GALNT13: variants seen among roughly 807,000 people sequenced by gnomAD.
GALNT13 encodes UDP-GalNAc:polypeptide N-acetylgalactosaminyltransferase 13.
In GALNT13, 28 loss-of-function variants were observed where a neutral mutation model predicts 64.2. That is an observed-to-expected ratio of 0.44 (90% CI 0.32 to 0.60). The LOEUF (loss-of-function observed/expected upper bound fraction) is 0.60, where lower values mean the gene tolerates loss of function less well. GALNT13 is among the 20% of genes least tolerant of loss of function. The probability of loss-of-function intolerance (pLI) is 0.05; values close to 1 mark genes in which losing one functional copy is unlikely to be tolerated. For synonymous variants in GALNT13, 214 were observed against 224.6 expected (o/e 0.95, Z 0.42); for missense variants, 577 against 669.8 (o/e 0.86, Z 1.53).
chr2:154,100,510 T>C (rs1241921445), intron 3 of GALNT13, among the ~76,000 whole-genome samples: 4 of 152,134 alleles, frequency 2.6e-5, no homozygotes, highest in Non-Finnish European at 1.5e-5. Flanking sequence ...GTAGCTTGAA[T>C]GTTATTAGTG....
chr2:153,259,460 G>T, the GALNT13 span, among the ~76,000 whole-genome samples: 1 of 151,824 alleles, frequency 6.6e-6, no homozygotes, highest in African/African-American at 2.4e-5. Context: ...ACTTGTACTT[G>T]CTGATATGGT....
chr2:154,353,434 G>A (rs955711868), intron 9 of GALNT13, among the ~76,000 whole-genome samples: 1 of 152,116 alleles, frequency 6.6e-6, no homozygotes, highest in Admixed American at 6.6e-5. Context: ...TGTGACAGGA[G>A]CAGCTAAAAT....
At position 154,298,577 on chromosome 2, in the gene GALNT13, G is replaced by A. The variant is rs1407357710; in HGVS notation, c.976-2832G>A. Among the ~76,000 whole-genome samples the A allele has an allele frequency of 4.1e-4, 20 of 49,144 alleles. 2 individuals carry two copies. In the South Asian group the frequency reaches 4.5e-3, roughly 11 times the overall value. 32.2% of individuals were successfully genotyped at this position (49,144 alleles called of 152,430 possible). A position where few individuals can be genotyped will look rare whatever the true frequency, so the allele number is the denominator to read the frequency against. On this transcript the variant is annotated intron_variant, in intron 8 of 12. Coordinates refer to ENST00000392825, the MANE Select transcript of GALNT13 (RefSeq NM_052917.4). ...TGTATATATAATTTATATATAAATT[G>A]TATATATAATTTATATATACAATGT...
the GALNT13 span, among the ~76,000 whole-genome samples, chr2:153,078,595 G>A: frequency 3.3e-5 from 5 of 152,060 alleles, no homozygotes; most frequent in African/African-American, 1.2e-4. Flanking sequence ...ACGGGCATGA[G>A]CCATCACGCC....
the GALNT13 span, among the ~76,000 whole-genome samples, chr2:153,358,648 T>G: frequency 6.6e-6 from 1 of 152,210 alleles, no homozygotes; most frequent in South Asian, 2.1e-4. Flanking sequence ...GAGCAATTCA[T>G]GTAGAAATAA....
chr2:153,452,582 A>G, the GALNT13 span, among the ~76,000 whole-genome samples: 19 of 151,914 alleles, frequency 1.3e-4, no homozygotes, highest in Non-Finnish European at 2.2e-4. Flanking sequence ...ATCTAGTATT[A>G]TCATTTAAAT....
the GALNT13 span, among the ~76,000 whole-genome samples, chr2:153,656,972 G>A: frequency 6.6e-6 from 1 of 152,064 alleles, no homozygotes; most frequent in Non-Finnish European, 1.5e-5. Flanking sequence ...GAAGGCAAAG[G>A]CAGGATCCTA....
intron 3 of GALNT13, among the ~76,000 whole-genome samples, chr2:154,027,998 T>C (rs1698088003): frequency 6.6e-6 from 1 of 152,114 alleles, no homozygotes; most frequent in Non-Finnish European, 1.5e-5. Context: ...ACATACAATT[T>C]TGGCTTTTGC....
intron 3 of GALNT13, among the ~76,000 whole-genome samples, chr2:154,101,743 A>T (rs1342940455): frequency 6.6e-6 from 1 of 151,946 alleles, no homozygotes; most frequent in Non-Finnish European, 1.5e-5. Flanking sequence ...GTGACATTAA[A>T]TTATTAATTT....
chr2:154,367,765 GAGT>G (rs1697453550), intron 9 of GALNT13, among the ~76,000 whole-genome samples: 6 of 152,168 alleles, frequency 3.9e-5, no homozygotes, highest in Admixed American at 2.6e-4. Flanking sequence ...TATTGATAAA[GAGT>G]AGGAAGTGTG....
chr2:153,415,508 T>C, the GALNT13 span, among the ~76,000 whole-genome samples: 3 of 152,242 alleles, frequency 2.0e-5, no homozygotes, highest in Non-Finnish European at 2.9e-5. Context: ...TCTTACTTGA[T>C]ACCATTTAAG....
chr2:153,737,296 G>A, the GALNT13 span, among the ~76,000 whole-genome samples: 34 of 151,762 alleles, frequency 2.2e-4, no homozygotes, highest in Admixed American at 1.3e-4. Flanking sequence ...GATTTTGAGG[G>A]TTTTTTACTC....
At chr2:153,971,931 A>G (rs1036481338) in intron 3 of GALNT13, among the ~76,000 whole-genome samples, 9 of 152,150 alleles carry the variant, frequency 5.9e-5, no homozygotes, top group Non-Finnish European at 1.2e-4. Context: ...CAATTAGAGT[A>G]GGCTCTAAAT....
chr2:154,287,446 T>C, intron 8 of GALNT13: 1 of 409,854 alleles, frequency 2.4e-6, no homozygotes, highest in Non-Finnish European at 4.6e-6. Context: ...TGCCTTCACC[T>C]CTGAGGGCCA....
At chr2:154,240,715 C>T (rs1689435258) in intron 4 of GALNT13, among the ~76,000 whole-genome samples, 1 of 152,156 alleles carries the variant, frequency 6.6e-6, no homozygotes, top group Non-Finnish European at 1.5e-5. Flanking sequence ...CTTGTGTTAA[C>T]CAGCTCAATT....
chr2:154,301,718 C>T lies in GALNT13; in HGVS notation c.1156+129C>T, dbSNP rs369240743. The stretch of plus-strand genomic sequence containing the variant: ...TTTATTACCATAATATTGCAGAAAA[C>T]GGCATATGAGAAAGTTGTACTATGA... On this transcript the variant is annotated intron_variant, in intron 9 of 12. Coordinates refer to ENST00000392825, the MANE Select transcript of GALNT13 (RefSeq NM_052917.4). The T allele has an allele frequency of 2.1e-3, 1,261 of 603,370 alleles. 2 individuals are homozygous for T. The highest frequency in any genetic ancestry group is 4.1e-3 in the Middle Eastern group (9 of 2,216). 37.4% of individuals were successfully genotyped at this position (603,370 alleles called of 1,614,324 possible). A position where few individuals can be genotyped will look rare whatever the true frequency, so the allele number is the denominator to read the frequency against.
At chr2:153,549,072 A>G in the GALNT13 span, among the ~76,000 whole-genome samples, 1 of 152,174 alleles carries the variant, frequency 6.6e-6, no homozygotes, top group Non-Finnish European at 1.5e-5. Flanking sequence ...ATCCATAGAG[A>G]CACAAAATAG....
chr2:153,127,697 C>T, the GALNT13 span, among the ~76,000 whole-genome samples: 1 of 152,074 alleles, frequency 6.6e-6, no homozygotes, highest in South Asian at 2.1e-4. Flanking sequence ...ACTATTTTTG[C>T]ATCATTATTT....
chr2:153,993,049 A>G (rs1162864865), intron 3 of GALNT13, among the ~76,000 whole-genome samples: 2 of 152,180 alleles, frequency 1.3e-5, no homozygotes, highest in African/African-American at 4.8e-5. Context: ...AGGAAAGGTT[A>G]GTTCAAGCTG....
Sources: allele counts gnomAD v4.1 joint callset (sites outside exome capture counted in the v4.1 genomes callset), GRCh38; gene constraint gnomAD v4.1.1; transcripts MANE v1.5; gene names NCBI Gene and HGNC (gene_info 2026-07-23, HGNC 2026-07-21).